EWSR1: variants seen among roughly 807,000 people sequenced by gnomAD.
The protein encoded by EWSR1 is RNA-binding protein EWS.
EWSR1 carries 14 observed loss-of-function variants against 92.1 expected under a neutral mutation model. The ratio of observed to expected loss-of-function variants is 0.15; its 90% CI spans 0.10 to 0.24. The LOEUF (loss-of-function observed/expected upper bound fraction) is 0.24, where lower values mean the gene tolerates loss of function less well. EWSR1 is among the 10% of genes least tolerant of loss of function. The pLI, the probability that EWSR1 is intolerant of heterozygous loss-of-function variation, is 1.00. For missense variants in EWSR1, 637 were observed against 870.9 expected (o/e 0.73, Z 3.38); for synonymous variants, 303 against 292.9 (o/e 1.03, Z -0.35).
chr22:29,292,222 C>G (rs1569104787), intron 10 of EWSR1, 53 bp downstream of exon 10: 2 of 1,543,936 alleles, frequency 1.3e-6, no homozygotes, highest in Non-Finnish European at 1.8e-6. Flanking sequence ...ATTAATGGTA[C>G]AGAGGTAAAT....
At chr22:29,285,518 A>C (rs1204605331) in intron 6 of EWSR1, among the ~76,000 whole-genome samples, 4 of 151,474 alleles carry the variant, frequency 2.6e-5, no homozygotes, top group South Asian at 2.1e-4. Context: ...CTTTCATACA[A>C]TTCCTTCATT....
chr22:29,268,813 C>T (rs993652945), intron 1 of EWSR1, among the ~76,000 whole-genome samples: 1 of 152,240 alleles, frequency 6.6e-6, no homozygotes, highest in Admixed American at 6.5e-5. Context: ...GGGGAAAAAG[C>T]AAATAAAGAT....
intron 4 of EWSR1, among the ~76,000 whole-genome samples, chr22:29,275,218 A>G (rs556614998): frequency 6.6e-5 from 10 of 152,360 alleles, no homozygotes; most frequent in Admixed American, 4.6e-4. Flanking sequence ...AACTTCATGT[A>G]TTAAAGCCAT....
At chr22:29,291,493 C>T in intron 8 of EWSR1, 69 bp from the exon 9 acceptor site, 1 of 1,489,988 alleles carries the variant, frequency 6.7e-7, no homozygotes, top group Non-Finnish European at 9.2e-7. Flanking sequence ...CCCCACGAGC[C>T]CCCCCAAGGC....
At chr22:29,281,506 A>G (rs771903997) in intron 5 of EWSR1, among the ~76,000 whole-genome samples, 7 of 149,048 alleles carry the variant, frequency 4.7e-5, no homozygotes, top group Non-Finnish European at 1.5e-5. Flanking sequence ...GGGTCTCCCT[A>G]TATTACCAGG....
intron 8 of EWSR1, chr22:29,291,070 G>A (rs2060407385): frequency 4.2e-6 from 1 of 237,034 alleles, no homozygotes; most frequent in Non-Finnish European, 8.3e-6. Flanking sequence ...TCTGATGTGT[G>A]TTGTAGGAAT....
intron 1 of EWSR1, chr22:29,269,599 G>C (rs2058484234): frequency 6.6e-6 from 1 of 152,218 alleles, no homozygotes; most frequent in Non-Finnish European, 1.5e-5. Flanking sequence ...AGAGTTTTTG[G>C]AGTCCAGAAT....
Position 29,299,568 on chromosome 22 carries a change from G to A in EWSR1, c.1679-31G>A, listed in dbSNP as rs374935310. ...CACAGGGCCTCTGCAGCCACCCACT[G>A]ACTGCTTTCGCCCTGCTATTCTCAC... On this transcript the variant is annotated intron_variant, in intron 15 of 16. Transcript: ENST00000397938. 5 of 1,556,418 alleles carry A rather than the reference G, an allele frequency of 3.2e-6. No individual in the cohort carries two copies. The African/African-American group carries it at 4.1e-5, about 13-fold the overall frequency.
chr22:29,284,112 G>A (rs1038497475), intron 6 of EWSR1, among the ~76,000 whole-genome samples: 1 of 151,278 alleles, frequency 6.6e-6, no homozygotes, highest in Non-Finnish European at 1.5e-5. Context: ...GGGAATACAG[G>A]CATGAGCCAC....
chr22:29,272,701 T>G (rs2058775381), intron 3 of EWSR1, among the ~76,000 whole-genome samples: 1 of 152,230 alleles, frequency 6.6e-6, no homozygotes, highest in East Asian at 1.9e-4. Context: ...CCTTCTTCAT[T>G]ATGTTTAAAT....
At chr22:29,272,481 A>G (rs1349328222) in intron 3 of EWSR1, 50 bp downstream of exon 3, 1 of 1,539,012 alleles carries the variant, frequency 6.5e-7, no homozygotes, top group Non-Finnish European at 9.0e-7. Flanking sequence ...TAAAATCAGT[A>G]TATTATCCAG....
chr22:29,275,264 T>C (rs769024286), intron 4 of EWSR1, among the ~76,000 whole-genome samples: 1 of 152,210 alleles, frequency 6.6e-6, no homozygotes, highest in Admixed American at 6.5e-5. Context: ...TGAAAGTTAA[T>C]GTGGCCTAGA....
chr22:29,280,862 G>GTTTTTTTTTTTTTT (rs71196650), intron 5 of EWSR1, among the ~76,000 whole-genome samples: 1 of 62,902 alleles, frequency 1.6e-5, no homozygotes, highest in Non-Finnish European at 3.1e-5. Flanking sequence ...TGTGTGTGTT[G>GTTTTTTTTTTTTTT]TTTTTTTTTT....
intron 12 of EWSR1, among the ~76,000 whole-genome samples, chr22:29,296,657 G>A (rs764658657): frequency 7.9e-5 from 12 of 152,162 alleles, no homozygotes; most frequent in Non-Finnish European, 1.8e-4. Flanking sequence ...CTTAGCCAGT[G>A]TACATTTGCA....
rs62226084 is a variant in EWSR1, at chr22:29,285,868, C to T, written c.582-1055C>T. On this transcript the variant is annotated intron_variant, in intron 6 of 16. Transcript: ENST00000397938. ...GTTTTGTTCTTTTGAGACGGAGTCT[C>T]GCTCTGTCGCCCAGGCTGGAGTGCA... is the stretch of plus-strand genomic sequence containing the variant. 4.1e-4 allele frequency among the ~76,000 whole-genome samples: 62 copies of T among 151,800 alleles called. No homozygotes were observed. The South Asian group carries it at 0.011, about 27-fold the overall frequency.
intron 11 of EWSR1, 129 bp from the exon 12 acceptor site, chr22:29,296,110 C>A: frequency 1.1e-6 from 1 of 920,560 alleles, no homozygotes; most frequent in Non-Finnish European, 1.6e-6. Flanking sequence ...AACTTAAAAG[C>A]GGAGAAACGG....
chr22:29,273,841 C>A lies in EWSR1; in HGVS notation c.203C>A (p.Thr68Asn). ...ACCTATGGGCAGACCGCCTATGCAA[C>A]TTCTTATGGACAGCCTCCCACTGGT... ...TATYGQTAYATSYGQPPTGYT... is the reference protein window; with the variant it reads ...TATYGQTAYANSYGQPPTGYT... The change falls in exon 4 of 17, where the codon ACT (threonine) becomes AAT (asparagine). Residue 68 changes from threonine to asparagine, a missense_variant. This residue lies in a region of EWSR1 where 144 missense variants were observed against 189.0 expected (regional missense o/e 0.76). Transcript: ENST00000397938. 1 of 1,614,000 alleles carries A rather than the reference C, an allele frequency of 6.2e-7. No homozygotes were observed. Among genetic ancestry groups the A allele is most frequent in the Non-Finnish European group, 8.5e-7 (1 of 1,179,940 alleles).
intron 1 of EWSR1, among the ~76,000 whole-genome samples, chr22:29,271,571 G>A (rs971627671): frequency 3.9e-5 from 6 of 152,188 alleles, no homozygotes; most frequent in African/African-American, 1.4e-4. Context: ...TCAGGGTTCT[G>A]CCTTAGCTCT....
intron 12 of EWSR1, 100 bp downstream of exon 12, chr22:29,296,468 TC>T (rs946098430): frequency 1.5e-5 from 21 of 1,432,946 alleles, no homozygotes; most frequent in Middle Eastern, 4.0e-4. Flanking sequence ...TTCCATCTCT[TC>T]CTGGGGGAGG....
Sources: gnomAD v4.1 joint callset for allele counts (sites outside exome capture counted in the v4.1 genomes callset) on GRCh38, gnomAD v4.1.1 for gene constraint, gnomAD v4.1.1 regional missense constraint, MANE v1.5 for transcripts, NCBI Gene and HGNC (gene_info 2026-07-23, HGNC 2026-07-21) for gene names.